Variants in SAP130 observed in about 807,000 individuals in gnomAD.
SAP130 encodes the protein histone deacetylase complex subunit SAP130.
A neutral mutation model predicts 103.2 loss-of-function variants in SAP130; 16 were observed. The observed-to-expected ratio is 0.16, with a 90% CI of 0.10 to 0.24. The LOEUF (loss-of-function observed/expected upper bound fraction) is 0.24, where lower values mean the gene tolerates loss of function less well. SAP130 is among the 10% of genes least tolerant of loss of function. The pLI, the probability that SAP130 is intolerant of heterozygous loss-of-function variation, is 1.00. For missense variants in SAP130, 990 were observed against 1,359.7 expected (o/e 0.73, Z 4.28); for synonymous variants, 477 against 497.0 (o/e 0.96, Z 0.53).
intron 1 of SAP130, chr2:128,027,259 C>G (rs1337207005): frequency 8.5e-7 from 1 of 1,180,530 alleles, no homozygotes; most frequent in Non-Finnish European, 1.0e-6. Context: ...CCCACTCACC[C>G]CCGCCACCCG....
intron 14 of SAP130, among the ~76,000 whole-genome samples, chr2:127,984,221 T>C (rs766482703): frequency 6.6e-6 from 1 of 152,268 alleles, no homozygotes; most frequent in Non-Finnish European, 1.5e-5. Flanking sequence ...TGAATGTTCT[T>C]TTTGCATAGC....
rs186559671 is a variant in SAP130 at position 127,996,227 on chromosome 2, G to C, written c.1355+123C>G. ...GAATTATACGAAGTGTTACTTTCAGGGGAAAATCTGAAAACATGAGTAATA... is the reference window on the plus strand; with the variant it reads ...GAATTATACGAAGTGTTACTTTCAGCGGAAAATCTGAAAACATGAGTAATA... On this transcript the variant is annotated intron_variant, in intron 11 of 20. Transcript: ENST00000643581. The surrounding 1 kb of genome is among the most constrained non-coding windows in gnomAD (Gnocchi z 4.3). The C allele has an allele frequency of 4.7e-4, 438 of 926,480 alleles. 1 individual carries two copies. The highest frequency in any genetic ancestry group is 1.2e-3 in the Admixed American group (39 of 31,230). The allele number at this position is 926,480 out of a possible 1,614,324, so 57.4% of individuals were successfully genotyped here.
rs199755359 is a variant in SAP130 at position 127,989,755 on chromosome 2, C to T, written c.1589G>A (p.Arg530Gln). 1.2e-6 allele frequency: 2 copies of T among 1,614,164 alleles called. No individual in the cohort carries two copies. The highest frequency in any genetic ancestry group is 1.7e-6 in the Non-Finnish European group (2 of 1,180,036). The change falls in exon 13 of 21, where the codon CGA (arginine) becomes CAA (glutamine). Residue 530 changes from arginine to glutamine, a missense_variant. Around this residue, in one of 6 missense-constraint regions of SAP130, gnomAD observed 336 missense variants for 520.1 expected, o/e 0.65. Coordinates refer to ENST00000643581, the MANE Select transcript of SAP130 (RefSeq NM_001330301.2). This position sits in a 1 kb window ranked among gnomAD's most constrained non-coding sequence, Gnocchi z 4.6. ...QLMTVDASHA[R>Q]HIQGIQPAPI... ...TGCTGGCTGGATCCCTTGAATATGT[C>T]GAGCATGCGATGCATCCACTGTCAT...
intron 15 of SAP130, among the ~76,000 whole-genome samples, chr2:127,977,335 CAA>C (rs36038328): frequency 5.4e-5 from 6 of 111,762 alleles, no homozygotes; most frequent in African/African-American, 7.2e-5. Flanking sequence ...ACTTAAAATA[CAA>C]AAAAAAAAAA....
rs1683167822 is a variant in SAP130, at chr2:127,996,243, A to G, written c.1355+107T>C. The G allele has an allele frequency of 4.6e-6, 5 of 1,081,350 alleles. No individual in the cohort carries two copies. The highest frequency in any genetic ancestry group is 6.2e-6 in the Non-Finnish European group (5 of 808,948). 67.0% of individuals were successfully genotyped at this position (1,081,350 alleles called of 1,614,324 possible). On this transcript the variant is annotated intron_variant, in intron 11 of 20. Transcript: ENST00000643581. This position sits in a 1 kb window ranked among gnomAD's most constrained non-coding sequence, Gnocchi z 4.3. Reference sequence around the variant, plus strand: ...TACTTTCAGGGGAAAATCTGAAAACATGAGTAATAAATATAGGCCATATTT... The same window carrying G: ...TACTTTCAGGGGAAAATCTGAAAACGTGAGTAATAAATATAGGCCATATTT...
At chr2:127,981,870 TTCTGGCCCTACAAAACCCTGCTATAG>T (rs1463007755) in intron 14 of SAP130, among the ~76,000 whole-genome samples, 1 of 151,698 alleles carries the variant, frequency 6.6e-6, no homozygotes, top group East Asian at 1.9e-4. Context: ...CCCGACCCAG[TTCTGGCCCTACAAAACCCTGCTATAG>T]TCTGTAAGGG....
At position 127,982,583 on chromosome 2, in the gene SAP130, G is replaced by C. The variant is rs115183256; in HGVS notation, c.1958+4202C>G. ...AGAAGGAAACGTAAAATAGTTATCT[G>C]GAGTGGTGCAAGAGAGTATACTTTG... is the stretch of plus-strand genomic sequence containing the variant. On this transcript the variant is annotated intron_variant, in intron 14 of 20. Transcript: ENST00000643581. Among the ~76,000 whole-genome samples, 691 of 152,336 alleles carry C rather than the reference G, an allele frequency of 4.5e-3. 6 individuals carry two copies. Among genetic ancestry groups the C allele is most frequent in the African/African-American group, 0.016 (649 of 41,572 alleles).
intron 14 of SAP130, among the ~76,000 whole-genome samples, chr2:127,980,479 C>G (rs1573726085): frequency 6.6e-6 from 1 of 152,202 alleles, no homozygotes; most frequent in East Asian, 1.9e-4. Context: ...AAGTTTAAAA[C>G]AAGCACACCC....
chr2:128,014,201 T>A (rs1684600194), intron 5 of SAP130, among the ~76,000 whole-genome samples: 1 of 151,886 alleles, frequency 6.6e-6, no homozygotes, highest in Admixed American at 6.6e-5. Context: ...TGGATTGCTC[T>A]AAGTTTATTT....
rs193190195 is a variant in SAP130, at chr2:127,998,612, A to C, written c.1213+1129T>G. ...GCATAAAAGAGAAAAACAAAATGACAGCATAAACCCCATGGAACATAGGAA... is the reference window on the plus strand; with the variant it reads ...GCATAAAAGAGAAAAACAAAATGACCGCATAAACCCCATGGAACATAGGAA... On this transcript the variant is annotated intron_variant, in intron 10 of 20. Transcript: ENST00000643581. 8.5e-5 allele frequency among the ~76,000 whole-genome samples: 13 copies of C among 152,372 alleles called. No homozygotes were observed. The East Asian group carries it at 2.5e-3, about 29-fold the overall frequency.
At chr2:127,948,328 GTTTTTTTT>G (rs71307269) in intron 18 of SAP130, among the ~76,000 whole-genome samples, 4 of 101,536 alleles carry the variant, frequency 3.9e-5, no homozygotes, top group Non-Finnish European at 7.9e-5. Context: ...TTTCCTGTGA[GTTTTTTTT>G]TTTTTTTTTT....
At chr2:127,992,173 T>C (rs1324206256) in intron 12 of SAP130, among the ~76,000 whole-genome samples, 3 of 152,138 alleles carry the variant, frequency 2.0e-5, no homozygotes, top group Non-Finnish European at 4.4e-5. Context: ...GGTCTCCTTA[T>C]ATTGCCCAGG....
Position 127,954,971 on chromosome 2 carries a change from T to C in SAP130, c.2422+15A>G, listed in dbSNP as rs374994593. 3.2e-6 allele frequency: 5 copies of C among 1,563,664 alleles called. No individual in the cohort carries two copies. The highest frequency in any genetic ancestry group is 2.7e-5 in the African/African-American group (2 of 74,072). ...AGGCAATTGCCAATGGAGAGTATTC[T>C]ATGGACGGACTTACCAGAAACTGGC... On this transcript the variant is annotated intron_variant, in intron 16 of 20. Coordinates refer to ENST00000643581, the MANE Select transcript of SAP130 (RefSeq NM_001330301.2).
At chr2:128,008,148 A>G (rs1684104344) in intron 7 of SAP130, among the ~76,000 whole-genome samples, 2 of 152,254 alleles carry the variant, frequency 1.3e-5, no homozygotes, top group Admixed American at 6.5e-5. Flanking sequence ...GCTTTGATTC[A>G]GTGAATCTCT....
chr2:128,000,486 G>T, intron 7 of SAP130, 32 bp from the exon 8 acceptor site: 1 of 1,612,176 alleles, frequency 6.2e-7, no homozygotes. Flanking sequence ...AATGCAGATG[G>T]GCAAGGTCAT....
intron 2 of SAP130, among the ~76,000 whole-genome samples, chr2:128,018,468 G>A (rs541190018): frequency 8.2e-6 from 1 of 122,064 alleles, no homozygotes; most frequent in East Asian, 2.4e-4. Flanking sequence ...CTGGGCGAGA[G>A]AGGAAGATTG....
Position 128,013,071 on chromosome 2 carries a change from C to T in SAP130, c.703G>A (p.Ala235Thr). ...ATGATGTGCTGTACTGCTGGCTGAG[C>T]AGTAGCAGCATTTGGCAGCTGTGAG... is the stretch of plus-strand genomic sequence containing the variant. ...PTSQLPNAAT[A>T]QPAVQHIIHQ... The change falls in exon 6 of 21, where the codon GCT becomes ACT. Residue 235 changes from alanine to threonine, a missense_variant. By Grantham distance (58) the Ala-to-Thr change is moderately conservative. Coordinates refer to ENST00000643581, the MANE Select transcript of SAP130 (RefSeq NM_001330301.2). 6.2e-7 allele frequency: 1 copy of T among 1,613,260 alleles called. No homozygotes were observed. The highest frequency in any genetic ancestry group is 8.5e-7 in the Non-Finnish European group (1 of 1,179,768).
intron 2 of SAP130, among the ~76,000 whole-genome samples, chr2:128,019,804 T>C (rs2105229219): frequency 6.6e-6 from 1 of 152,058 alleles, no homozygotes; most frequent in South Asian, 2.1e-4. Context: ...AGAGAATTGC[T>C]TGAGCCCGGG....
chr2:127,950,085 T>A, intron 17 of SAP130, 75 bp downstream of exon 17: 1 of 1,608,830 alleles, frequency 6.2e-7, no homozygotes, highest in Non-Finnish European at 8.5e-7. Flanking sequence ...TGAGGCTGAC[T>A]ATGTAACGAG....
Sources: gnomAD v4.1 joint callset for allele counts (sites outside exome capture counted in the v4.1 genomes callset) on GRCh38, gnomAD v4.1.1 for gene constraint, gnomAD v4.1.1 regional missense constraint, Gnocchi (gnomAD v3.1) non-coding constraint, MANE v1.5 for transcripts, NCBI Gene and HGNC (gene_info 2026-07-23, HGNC 2026-07-21) for gene names.